The following DOCK3 variants were observed in gnomAD, a reference collection of about 807,000 sequenced individuals.
DOCK3 encodes the protein dedicator of cytokinesis protein 3.
DOCK3 carries 60 observed loss-of-function variants against 265.6 expected under a neutral mutation model. That is an observed-to-expected ratio of 0.23 (90% CI 0.18 to 0.28). The LOEUF is 0.28. DOCK3 is among the 10% of genes least tolerant of loss of function. DOCK3 has a pLI of 1.00. For missense variants in DOCK3, 1,981 were observed against 2,594.3 expected (o/e 0.76, Z 5.14); for synonymous variants, 881 against 938.0 (o/e 0.94, Z 1.11).
chr3:50,729,583 A>G (rs1481470545), intron 1 of DOCK3, among the ~76,000 whole-genome samples: 5 of 151,776 alleles, frequency 3.3e-5, no homozygotes, highest in Non-Finnish European at 7.4e-5. Flanking sequence ...TTGTCTGGGC[A>G]GGAGTACAGT....
intron 2 of DOCK3, among the ~76,000 whole-genome samples, chr3:50,830,656 T>G (rs556804256): frequency 4.1e-4 from 63 of 152,300 alleles, no homozygotes; most frequent in Non-Finnish European, 5.9e-4. Context: ...TTCTTTTGGG[T>G]TCACACTGCC....
chr3:50,987,366 T>C (rs952798706), intron 5 of DOCK3, among the ~76,000 whole-genome samples: 1 of 152,256 alleles, frequency 6.6e-6, no homozygotes, highest in Non-Finnish European at 1.5e-5. Context: ...TAAATGACCA[T>C]GTATTAATCA....
intron 9 of DOCK3, among the ~76,000 whole-genome samples, chr3:51,144,286 T>A (rs2085196401): frequency 6.6e-6 from 1 of 152,216 alleles, no homozygotes; most frequent in African/African-American, 2.4e-5. Context: ...TCTTTCCTAC[T>A]CCTCACACTG....
Position 51,016,892 on chromosome 3 carries a change from T to C in DOCK3, c.316-47556T>C, listed in dbSNP as rs571119523. ...TATGATATATGTTTATATATATAAA[T>C]ATATATGATATATGTTTATATATAA... On this transcript the variant is annotated intron_variant, in intron 5 of 52. Transcript: ENST00000266037. 2.3e-3 allele frequency among the ~76,000 whole-genome samples: 248 copies of C among 108,262 alleles called. 55 individuals carry two copies. Among genetic ancestry groups the C allele is most frequent in the African/African-American group, 0.01 (212 of 20,676 alleles). 71.0% of individuals were successfully genotyped at this position (108,262 alleles called of 152,430 possible).
chr3:51,210,774 T>C (rs1236085042), intron 13 of DOCK3, among the ~76,000 whole-genome samples: 1 of 152,254 alleles, frequency 6.6e-6, no homozygotes, highest in Admixed American at 6.5e-5. Context: ...TTAGATATTG[T>C]GGACAGTTCA....
chr3:50,838,303 CTTAAG>C (rs1467343502), intron 2 of DOCK3, among the ~76,000 whole-genome samples: 3 of 152,172 alleles, frequency 2.0e-5, no homozygotes, highest in Admixed American at 6.5e-5. Flanking sequence ...ATTTTTCTGA[CTTAAG>C]TTAAAGTTAG....
At chr3:50,703,992 C>T (rs766537811) in intron 1 of DOCK3, among the ~76,000 whole-genome samples, 2 of 151,786 alleles carry the variant, frequency 1.3e-5, no homozygotes, top group Admixed American at 6.6e-5. Flanking sequence ...TTTCATTTGT[C>T]TCAGGGAAGT....
intron 5 of DOCK3, among the ~76,000 whole-genome samples, chr3:50,987,866 GCCTTCAGT>G (rs1243847022): frequency 2.0e-5 from 3 of 152,148 alleles, no homozygotes; most frequent in Non-Finnish European, 4.4e-5. Context: ...CTCCGCTAGG[GCCTTCAGT>G]CTGACAGACA....
chr3:50,797,745 T>C (rs996892387), intron 2 of DOCK3, among the ~76,000 whole-genome samples: 1 of 152,236 alleles, frequency 6.6e-6, no homozygotes, highest in Non-Finnish European at 1.5e-5. Context: ...ACCTCATTGT[T>C]GGTTTTGTTT....
intron 5 of DOCK3, among the ~76,000 whole-genome samples, chr3:50,978,794 G>A (rs1277136298): frequency 6.6e-6 from 1 of 152,206 alleles, no homozygotes; most frequent in Non-Finnish European, 1.5e-5. Context: ...AGCAATCAGT[G>A]AGTCTCCGTG....
chr3:50,768,997 G>A (rs1451358898), intron 1 of DOCK3, among the ~76,000 whole-genome samples: 1 of 151,696 alleles, frequency 6.6e-6, no homozygotes, highest in African/African-American at 2.4e-5. Flanking sequence ...TTTCTCTGAT[G>A]ATTAATGATG....
intron 6 of DOCK3, among the ~76,000 whole-genome samples, chr3:51,066,666 G>A (rs956553614): frequency 2.6e-5 from 4 of 152,128 alleles, no homozygotes; most frequent in Non-Finnish European, 4.4e-5. Flanking sequence ...ACTTGCGGAT[G>A]TGCTTCTGCA....
intron 2 of DOCK3, among the ~76,000 whole-genome samples, chr3:50,811,298 G>GGAGGCT (rs2106762391): frequency 6.6e-6 from 1 of 152,242 alleles, no homozygotes; most frequent in East Asian, 1.9e-4. Context: ...TGGCTACTCA[G>GGAGGCT]GAGGCTGAGG....
intron 1 of DOCK3, among the ~76,000 whole-genome samples, chr3:50,677,977 AC>A (rs2034107404): frequency 6.6e-6 from 1 of 151,576 alleles, no homozygotes; most frequent in Non-Finnish European, 1.5e-5. Flanking sequence ...TGTGCCTGGG[AC>A]TCTCACTTAG....
At chr3:51,366,998 A>G (rs1389856177) in intron 49 of DOCK3, among the ~76,000 whole-genome samples, 1 of 152,194 alleles carries the variant, frequency 6.6e-6, no homozygotes, top group Admixed American at 6.5e-5. Context: ...GTAGATGTCT[A>G]TTAGGTCCGT....
chr3:50,952,250 T>A (rs1056188627), intron 5 of DOCK3, among the ~76,000 whole-genome samples: 6 of 152,152 alleles, frequency 3.9e-5, no homozygotes, highest in Admixed American at 2.0e-4. Flanking sequence ...TGGGAAATGT[T>A]TTTACGTAAC....
intron 1 of DOCK3, among the ~76,000 whole-genome samples, chr3:50,680,314 C>T (rs914480465): frequency 7.4e-5 from 11 of 149,576 alleles, no homozygotes; most frequent in East Asian, 2.0e-4. Context: ...TGGGTTCAAG[C>T]GATTCTTCTG....
chr3:51,073,619 C>T (rs1304891812), intron 6 of DOCK3, among the ~76,000 whole-genome samples: 1 of 152,114 alleles, frequency 6.6e-6, no homozygotes, highest in Non-Finnish European at 1.5e-5. Context: ...CAGTTTATTA[C>T]TGATCTTCTC....
Position 51,355,040 on chromosome 3 carries a change from G to A in DOCK3, c.4249+17G>A, listed in dbSNP as rs745423062. On this transcript the variant is annotated intron_variant, in intron 41 of 52. Coordinates refer to ENST00000266037, the MANE Select transcript of DOCK3 (RefSeq NM_004947.5). ...ATGCCCAGTGTATCCTTTGATACTG[G>A]GTGGGAGGAGGAGGGCAGGGGCCCT... 1 of 1,610,546 alleles carries A rather than the reference G, an allele frequency of 6.2e-7. No homozygotes were observed. Among genetic ancestry groups the A allele is most frequent in the East Asian group, 2.2e-5 (1 of 44,752 alleles).
Sources: gnomAD v4.1 joint callset for allele counts (sites outside exome capture counted in the v4.1 genomes callset) on GRCh38, gnomAD v4.1.1 for gene constraint, MANE v1.5 for transcripts, NCBI Gene and HGNC (gene_info 2026-07-23, HGNC 2026-07-21) for gene names.